Variants in VAV1 observed in about 807,000 individuals in gnomAD.
The protein encoded by VAV1 is vav guanine nucleotide exchange factor 1.
VAV1 carries 33 observed loss-of-function variants against 128.1 expected under a neutral mutation model. The observed-to-expected ratio is 0.26, with a 90% CI of 0.20 to 0.34. The LOEUF (loss-of-function observed/expected upper bound fraction) is 0.34. Ranked by LOEUF, VAV1 falls within the 10% of genes least tolerant of loss-of-function variation. The pLI, the probability that VAV1 is intolerant of heterozygous loss-of-function variation, is 1.00. For synonymous variants in VAV1, 394 were observed against 409.8 expected, an observed-to-expected ratio of 0.96 and a Z score of 0.47; for missense variants, 715 against 1,093.7, an observed-to-expected ratio of 0.65 and a Z score of 4.88.
intron 1 of VAV1, among the ~76,000 whole-genome samples, chr19:6,818,643 A>G (rs1971714183): frequency 6.6e-6 from 1 of 152,164 alleles, no homozygotes; most frequent in Non-Finnish European, 1.5e-5. Context: ...GTATTTACAG[A>G]GGTAGTTCAG....
chr19:6,832,926 C>T (rs1426940950), intron 15 of VAV1, among the ~76,000 whole-genome samples: 3 of 152,150 alleles, frequency 2.0e-5, no homozygotes, highest in Non-Finnish European at 4.4e-5. Flanking sequence ...CCAAAGGAGA[C>T]CTCATACCCA....
intron 25 of VAV1, 72 bp from the exon 26 acceptor site, chr19:6,853,875 G>C (rs1021700345): frequency 5.1e-6 from 8 of 1,565,804 alleles, no homozygotes; most frequent in Non-Finnish European, 6.9e-6. Flanking sequence ...ACTGTCCTGA[G>C]AGCTTGTGCC....
intron 21 of VAV1, among the ~76,000 whole-genome samples, chr19:6,841,210 G>T (rs1452042902): frequency 6.6e-6 from 1 of 151,672 alleles, no homozygotes. Flanking sequence ...CCACCGTGCT[G>T]GGCAATTTTC....
At chr19:6,847,972 C>T (rs771403086) in intron 22 of VAV1, 26 bp from the exon 23 acceptor site, 11 of 1,477,142 alleles carry the variant, frequency 7.4e-6, no homozygotes, top group Non-Finnish European at 9.8e-6. Context: ...GACCGTGCCA[C>T]CTCTGTCCTT....
chr19:6,855,223 C>T (rs1354716831), intron 26 of VAV1, among the ~76,000 whole-genome samples: 1 of 152,158 alleles, frequency 6.6e-6, no homozygotes, highest in East Asian at 1.9e-4. Flanking sequence ...TTACATTCTA[C>T]TGGGGAAAAT....
chr19:6,805,583 TACAC>T lies in VAV1; in HGVS notation c.205-15091_205-15088del, dbSNP rs55732746. Among the ~76,000 whole-genome samples the T allele has an allele frequency of 3.1e-3, 434 of 139,092 alleles. 8 individuals carry two copies. In the Middle Eastern group the frequency reaches 0.054, roughly 17 times the overall value. 91.2% of individuals were successfully genotyped at this position (139,092 alleles called of 152,430 possible). A position where few individuals can be genotyped will look rare whatever the true frequency, so the allele number is the denominator to read the frequency against. On this transcript the variant is annotated intron_variant, in intron 1 of 26. Coordinates refer to ENST00000602142, the MANE Select transcript of VAV1 (RefSeq NM_005428.4). Reference sequence around the variant, plus strand: ...ATAGTGAGACCCTCATTTCTACAGATACACACACACACACACACACACACACACA... The same window carrying T: ...ATAGTGAGACCCTCATTTCTACAGATACACACACACACACACACACACACA...
Position 6,854,061 on chromosome 19 carries a change from G to A in VAV1, c.2447G>A (p.Gly816Glu), listed in dbSNP as rs771728616. ...ATCATCAAGATCCTTAACAAGAAGG[G>A]ACAGCAAGGCTGGTGGCGAGGGGAG... ...GDIIKILNKK[G>E]QQGWWRGEIY... The change falls in exon 26 of 27, where the codon GGA becomes GAA. Residue 816 changes from glycine (G) to glutamate (E), a missense_variant. Physicochemically the swap from Gly to Glu is moderately conservative, Grantham distance 98 (BLOSUM62 -2). Transcript: ENST00000602142. 8.1e-6 allele frequency: 13 copies of A among 1,613,744 alleles called. No individual in the cohort carries two copies. The South Asian group carries it at 1.4e-4, about 18-fold the overall frequency.
At chr19:6,831,948 T>C in intron 14 of VAV1, 143 bp from the exon 15 acceptor site, 1 of 650,834 alleles carries the variant, frequency 1.5e-6, no homozygotes, top group Admixed American at 2.9e-5. Context: ...GAAAGCCCTT[T>C]TACAAGGATA....
intron 1 of VAV1, among the ~76,000 whole-genome samples, chr19:6,776,402 A>G: frequency 1.5e-5 from 1 of 66,312 alleles, no homozygotes; most frequent in Admixed American, 1.4e-4. Context: ...CCACCCACCC[A>G]TCTATCCATC....
rs1971706260 is a variant in VAV1 at position 6,818,323 on chromosome 19, C to T, written c.205-2379C>T. On this transcript the variant is annotated intron_variant, in intron 1 of 26. Transcript: ENST00000602142. The stretch of plus-strand genomic sequence containing the variant: ...CAGGGTGTATTTGTTTGCGTGGGTG[C>T]CACAACAAAGTACCACGAGCTTGGA... Among the ~76,000 whole-genome samples the T allele has an allele frequency of 2.0e-5, 3 of 152,156 alleles. No individual in the cohort carries two copies. The South Asian group carries it at 6.2e-4, about 32-fold the overall frequency.
rs376632201 is a variant in VAV1, at chr19:6,843,152, G to C, written c.1998G>C (p.Leu666=). The C allele has an allele frequency of 3.8e-5, 62 of 1,614,050 alleles. No individual in the cohort carries two copies. The highest frequency in any genetic ancestry group is 4.8e-5 in the Non-Finnish European group (57 of 1,180,042). ...KPYVHGPPQD[L]SVHLWYAGPM... is the part of the protein sequence containing the mutation. ...ATTCTTAGGGCCCTCCTCAGGACCT[G>C]TCTGTTCATCTCTGGTGAGTAGAAA... The change falls in exon 22 of 27, where the codon CTG becomes CTC. Residue 666 remains leucine (L), a synonymous_variant. Transcript: ENST00000602142.
chr19:6,826,503 G>T lies in VAV1; in HGVS notation c.828-109G>T. 1.4e-6 allele frequency: 1 copy of T among 737,348 alleles called. No homozygotes were observed. Among genetic ancestry groups the T allele is most frequent in the South Asian group, 1.5e-5 (1 of 65,730 alleles). The allele number at this position is 737,348 out of a possible 1,614,324, so 45.7% of individuals were successfully genotyped here. The stretch of plus-strand genomic sequence containing the variant: ...CCCATTTCACAGATGGAGAAACTGG[G>T]ACTCAGGTTTCTTCTCCAGCGGGGA... On this transcript the variant is annotated intron_variant, in intron 8 of 26. Coordinates refer to ENST00000602142, the MANE Select transcript of VAV1 (RefSeq NM_005428.4). The surrounding 1 kb of genome is among the most constrained non-coding windows in gnomAD (Gnocchi z 4.1).
In VAV1 at chr19:6,848,052, G is replaced by A. The variant is rs138664261; in HGVS notation, c.2067G>A (p.Ser689=). The change falls in exon 23 of 27, where the codon TCG becomes TCA. Residue 689 remains serine, a synonymous_variant. Transcript: ENST00000602142. ...AGAESILANR[S]DGTFLVRQRV... ...CAGAGAGCATCCTGGCCAACCGCTCGGACGGGACTTTCTTGGTGCGGCAGA... is the reference window on the plus strand; with the variant it reads ...CAGAGAGCATCCTGGCCAACCGCTCAGACGGGACTTTCTTGGTGCGGCAGA... The A allele has an allele frequency of 7.3e-4, 1,132 of 1,540,160 alleles. 4 individuals carry two copies. The African/African-American group carries it at 0.011, about 15-fold the overall frequency.
At chr19:6,824,830 G>A (rs538208343) in intron 6 of VAV1, among the ~76,000 whole-genome samples, 6 of 152,158 alleles carry the variant, frequency 3.9e-5, no homozygotes, top group South Asian at 4.2e-4. Flanking sequence ...GCACCTGGCC[G>A]GACCACATTT....
In VAV1 at chr19:6,828,029, G is replaced by C. The variant is rs164022; in HGVS notation, c.928-47G>C. 666,824 of 1,574,472 alleles carry C rather than the reference G, an allele frequency of 0.42. 145,767 individuals are homozygous for C. Among genetic ancestry groups the C allele is most frequent in the Non-Finnish European group, 0.44 (506,509 of 1,144,656 alleles). On this transcript the variant is annotated intron_variant, in intron 9 of 26. Transcript: ENST00000602142. This position sits in a 1 kb window ranked among gnomAD's most constrained non-coding sequence, Gnocchi z 4.5. ...ATCTGCACCCACCCTGCAACTGGCT[G>C]TTTCTGGGACCTGCCTCAGTTTCCC...
Position 6,828,980 on chromosome 19 carries a change from A to C in VAV1, c.1265+80A>C. The C allele has an allele frequency of 6.5e-7, 1 of 1,527,686 alleles. No homozygotes were observed. Among genetic ancestry groups the C allele is most frequent in the African/African-American group, 1.4e-5 (1 of 72,338 alleles). 94.6% of individuals were successfully genotyped at this position (1,527,686 alleles called of 1,614,324 possible). ...GGCTCCTAGATGGGCAGGTGGGTGG[A>C]GTCAACACAGATCTGGGTGGAGCCT... On this transcript the variant is annotated intron_variant, in intron 13 of 26. Transcript: ENST00000602142. This position sits in a 1 kb window ranked among gnomAD's most constrained non-coding sequence, Gnocchi z 4.5.
intron 1 of VAV1, among the ~76,000 whole-genome samples, chr19:6,801,502 C>T (rs934790804): frequency 6.6e-6 from 1 of 152,132 alleles, no homozygotes; most frequent in African/African-American, 2.4e-5. Context: ...CGTGCACACT[C>T]TGCACCCCTG....
At chr19:6,778,866 C>T (rs1027014425) in intron 1 of VAV1, among the ~76,000 whole-genome samples, 2 of 151,524 alleles carry the variant, frequency 1.3e-5, no homozygotes, top group Admixed American at 6.6e-5. Flanking sequence ...AGTGAGACCC[C>T]GTCTCTACTT....
Position 6,825,272 on chromosome 19 carries a change from G to C in VAV1, c.724-31G>C, listed in dbSNP as rs371451417. ...CCTGGCCCCCTGAGCCCTGGGCTCT[G>C]GTCCCAGCCCTCACCCTTCCCTCCG... On this transcript the variant is annotated intron_variant, in intron 7 of 26. Coordinates refer to ENST00000602142, the MANE Select transcript of VAV1 (RefSeq NM_005428.4). The C allele has an allele frequency of 5.8e-4, 926 of 1,600,034 alleles. 1 individual carries two copies. The highest frequency in any genetic ancestry group is 7.7e-4 in the Non-Finnish European group (895 of 1,169,900).
Sources: gnomAD v4.1 joint callset for allele counts (sites outside exome capture counted in the v4.1 genomes callset) on GRCh38, gnomAD v4.1.1 for gene constraint, Gnocchi (gnomAD v3.1) non-coding constraint, MANE v1.5 for transcripts, NCBI Gene and HGNC (gene_info 2026-07-23, HGNC 2026-07-21) for gene names.